The following TRIM2 variants were observed in gnomAD, a reference collection of about 807,000 sequenced individuals.
TRIM2 encodes the protein tripartite motif containing 2, also known as tripartite motif-containing protein 2.
In TRIM2, 20 loss-of-function variants were observed where a neutral mutation model predicts 75.2. That is an observed-to-expected ratio of 0.27 (90% confidence interval 0.19 to 0.39). TRIM2 has a LOEUF of 0.39. TRIM2 is among the 10% of genes least tolerant of loss of function. The pLI, the probability that TRIM2 is intolerant of heterozygous loss-of-function variation, is 1.00. For missense variants in TRIM2, 660 were observed against 990.8 expected (o/e 0.67, Z 4.48); for synonymous variants, 373 against 388.3 (o/e 0.96, Z 0.46).
At position 153,191,752 on chromosome 4, in the gene TRIM2, C is replaced by T. The variant is rs1169274931; in HGVS notation, c.-49+38482C>T. On this transcript the variant is annotated intron_variant, in intron 1 of 11. Transcript: ENST00000437508. The stretch of plus-strand genomic sequence containing the variant: ...AAAGGATTTTTGTTTTCATAAGCTT[C>T]TTCATTTCAGTAATTTCAGAGACTG... 3.9e-5 allele frequency among the ~76,000 whole-genome samples: 6 copies of T among 152,184 alleles called. No homozygotes were observed. In the East Asian group the frequency reaches 1.2e-3, roughly 29 times the overall value.
At chr4:153,292,081 G>A (rs746028423) in intron 3 of TRIM2, among the ~76,000 whole-genome samples, 3 of 152,178 alleles carry the variant, frequency 2.0e-5, no homozygotes, top group South Asian at 2.1e-4. Context: ...GTCCCAAGAC[G>A]TTTTCAAGCA....
chr4:153,307,946 C>T, intron 6 of TRIM2: 1 of 754,804 alleles, frequency 1.3e-6, no homozygotes, highest in South Asian at 1.4e-5. Context: ...AGTCGTACAG[C>T]CGGTCAGCGA....
intron 1 of TRIM2, among the ~76,000 whole-genome samples, chr4:153,231,858 A>T (rs1025115612): frequency 6.6e-6 from 1 of 152,110 alleles, no homozygotes; most frequent in Admixed American, 6.5e-5. Flanking sequence ...ACTTCATTTT[A>T]ACTTGATTAC....
At chr4:153,184,106 G>T (rs1253572305) in intron 1 of TRIM2, among the ~76,000 whole-genome samples, 2 of 152,178 alleles carry the variant, frequency 1.3e-5, no homozygotes, top group African/African-American at 4.8e-5. Flanking sequence ...TCTTTACCTT[G>T]GGCAGGGATT....
chr4:153,339,050 C>T lies in TRIM2; in HGVS notation c.*4084C>T. 1.0e-6 allele frequency: 1 copy of T among 985,450 alleles called. No individual in the cohort carries two copies. 61.0% of individuals were successfully genotyped at this position (985,450 alleles called of 1,614,324 possible). A position where few individuals can be genotyped will look rare whatever the true frequency, so the allele number is the denominator to read the frequency against. On this transcript the variant is annotated 3_prime_UTR_variant, in exon 12 of 12. Coordinates refer to ENST00000338700, the MANE Select transcript of TRIM2 (RefSeq NM_015271.5). ...TATGTATAGAACACTAAGTCTTGCA[C>T]TCTCTGACATTGATACTGATATATT...
At position 153,295,342 on chromosome 4, in the gene TRIM2, C is replaced by T. The variant is rs149607572; in HGVS notation, c.816C>T (p.Leu272=). 246 of 1,609,924 alleles carry T rather than the reference C, an allele frequency of 1.5e-4. 1 individual carries two copies. Among genetic ancestry groups the T allele is most frequent in the Non-Finnish European group, 2.0e-5 (24 of 1,177,986 alleles). The change falls in exon 6 of 12, where the codon CTC becomes CTT. Residue 272 remains leucine, a synonymous_variant. Transcript: ENST00000338700. This position sits in a 1 kb window ranked among gnomAD's most constrained non-coding sequence, Gnocchi z 7.2. ...TCCAGTCGCAGCTGGATACTCTGCT[C>T]CAGGGGCAGGAGAGCATTAAGAGCT... The part of the protein sequence containing the change: ...KVLQSQLDTL[L]QGQESIKSCS...
At chr4:153,305,884 G>A (rs1764869785) in intron 6 of TRIM2, among the ~76,000 whole-genome samples, 1 of 152,120 alleles carries the variant, frequency 6.6e-6, no homozygotes, top group South Asian at 2.1e-4. Flanking sequence ...TCATGCCTGT[G>A]GGAGCACTTT....
At chr4:153,318,490 T>A (rs981346763) in intron 8 of TRIM2, among the ~76,000 whole-genome samples, 36 of 152,170 alleles carry the variant, frequency 2.4e-4, no homozygotes, top group African/African-American at 8.5e-4. Flanking sequence ...GATGACCACA[T>A]ATATATAAAA....
intron 11 of TRIM2, among the ~76,000 whole-genome samples, chr4:153,331,807 G>A (rs1311704970): frequency 6.6e-6 from 1 of 152,164 alleles, no homozygotes; most frequent in Non-Finnish European, 1.5e-5. Context: ...ACATACATCA[G>A]TGGGACAGAA....
In TRIM2 at chr4:153,285,760, CGTGT is replaced by C. The variant is rs34272004; in HGVS notation, c.454-7205_454-7202del. 3.5e-3 allele frequency among the ~76,000 whole-genome samples: 525 copies of C among 150,352 alleles called. 4 individuals carry two copies. Among genetic ancestry groups the C allele is most frequent in the African/African-American group, 0.011 (443 of 41,108 alleles). ...AGCTCTAATTGTGTGAATGTGTGTGCGTGTGTGTGTGTGTGTGTGTATTCTTTAG... is the reference window on the plus strand; with the variant it reads ...AGCTCTAATTGTGTGAATGTGTGTGCGTGTGTGTGTGTGTGTATTCTTTAG... On this transcript the variant is annotated intron_variant, in intron 3 of 11. Transcript: ENST00000338700.
intron 1 of TRIM2, among the ~76,000 whole-genome samples, chr4:153,230,540 A>C (rs1743348262): frequency 6.6e-6 from 1 of 152,176 alleles, no homozygotes; most frequent in African/African-American, 2.4e-5. Flanking sequence ...CACACCAAAC[A>C]AACACTTGTC....
Position 153,295,209 on chromosome 4 carries a change from T to A in TRIM2, c.787-104T>A. The stretch of plus-strand genomic sequence containing the variant: ...CAAACACCGCTTGCTCAGAGCCACC[T>A]GCGTGGGCAGGTGTAGAGTCTCCTT... On this transcript the variant is annotated intron_variant, in intron 5 of 11. Transcript: ENST00000338700. The surrounding 1 kb of genome is among the most constrained non-coding windows in gnomAD (Gnocchi z 7.2). The A allele has an allele frequency of 1.4e-6, 2 of 1,421,052 alleles. No homozygotes were observed. Among genetic ancestry groups the A allele is most frequent in the East Asian group, 2.5e-5 (1 of 39,700 alleles). 88.0% of individuals were successfully genotyped at this position (1,421,052 alleles called of 1,614,324 possible). A position where few individuals can be genotyped will look rare whatever the true frequency, so the allele number is the denominator to read the frequency against.
At chr4:153,216,450 T>C (rs1364501401) in intron 1 of TRIM2, among the ~76,000 whole-genome samples, 1 of 152,234 alleles carries the variant, frequency 6.6e-6, no homozygotes, top group Non-Finnish European at 1.5e-5. Flanking sequence ...TAGACTCCAG[T>C]TGCAACTTTC....
chr4:153,231,578 T>A (rs1018296212), intron 1 of TRIM2, among the ~76,000 whole-genome samples: 1 of 152,008 alleles, frequency 6.6e-6, no homozygotes, highest in Non-Finnish European at 1.5e-5. Context: ...GTCGTGGGCA[T>A]TGAGGTGAAA....
At chr4:153,264,773 A>G (rs896781371) in intron 1 of TRIM2, among the ~76,000 whole-genome samples, 4 of 152,146 alleles carry the variant, frequency 2.6e-5, no homozygotes, top group Non-Finnish European at 4.4e-5. Flanking sequence ...GAGTAGTCAA[A>G]TGTTCTTCCT....
intron 1 of TRIM2, among the ~76,000 whole-genome samples, chr4:153,160,920 T>C (rs1186346933): frequency 1.3e-5 from 2 of 152,128 alleles, no homozygotes; most frequent in Admixed American, 6.5e-5. Context: ...GGCTTCATTT[T>C]TAAAAAGGGG....
intron 11 of TRIM2, among the ~76,000 whole-genome samples, chr4:153,331,460 G>C (rs1229308818): frequency 6.6e-6 from 1 of 152,094 alleles, no homozygotes; most frequent in African/African-American, 2.4e-5. Flanking sequence ...TTCAATATTT[G>C]TATGCTGAAA....
At chr4:153,193,777 T>C (rs1035371105) in intron 1 of TRIM2, among the ~76,000 whole-genome samples, 1 of 151,938 alleles carries the variant, frequency 6.6e-6, no homozygotes, top group Non-Finnish European at 1.5e-5. Flanking sequence ...TTGGACAGAT[T>C]TGGGCTGGGG....
intron 1 of TRIM2, among the ~76,000 whole-genome samples, chr4:153,231,391 G>A (rs1743572808): frequency 1.3e-5 from 2 of 152,160 alleles, no homozygotes; most frequent in Non-Finnish European, 2.9e-5. Flanking sequence ...AATTGAGGAA[G>A]AGGGACTAAA....
Sources: gnomAD v4.1 joint callset for allele counts (sites outside exome capture counted in the v4.1 genomes callset) on GRCh38, gnomAD v4.1.1 for gene constraint, Gnocchi (gnomAD v3.1) non-coding constraint, MANE v1.5 for transcripts, NCBI Gene and HGNC (gene_info 2026-07-23, HGNC 2026-07-21) for gene names.